The following TNR variants were observed in gnomAD, a reference collection of about 807,000 sequenced individuals.
The protein encoded by TNR is tenascin R.
A neutral mutation model predicts 150.4 loss-of-function variants in TNR; 45 were observed. The observed-to-expected ratio is 0.30, with a 90% CI of 0.24 to 0.38. The LOEUF (loss-of-function observed/expected upper bound fraction) is 0.38. TNR is among the 10% of genes least tolerant of loss of function. The probability of loss-of-function intolerance (pLI) is 1.00; values close to 1 mark genes in which losing one functional copy is unlikely to be tolerated. For synonymous variants in TNR, 687 were observed against 678.4 expected, an observed-to-expected ratio of 1.01 and a Z score of -0.20; for missense variants, 1,544 against 1,759.1, an observed-to-expected ratio of 0.88 and a Z score of 2.19.
chr1:175,444,926 C>T (rs754114550), intron 2 of TNR, among the ~76,000 whole-genome samples: 4 of 152,174 alleles, frequency 2.6e-5, no homozygotes, highest in Admixed American at 6.5e-5. Flanking sequence ...GCGAATCTGA[C>T]GCTTTGGAAG....
At position 175,356,363 on chromosome 1, in the gene TNR, T is replaced by C; in HGVS notation, c.3074A>G (p.Asn1025Ser). The change falls in exon 16 of 23, where the codon AAT becomes AGT. Residue 1025 changes from asparagine to serine, a missense_variant. By Grantham distance (46) the Asn-to-Ser change is conservative. Around this residue, in one of 2 missense-constraint regions of TNR, gnomAD observed 1,254 missense variants for 1,329.4 expected, o/e 0.94. Transcript: ENST00000367674. ...THYTATMYAT[N>S]GPLTSGTIST... ...GATGGTGCCACTGGTGAGAGGTCCA[T>C]TGGTGGCATACATGGTGGCAGTATA... The C allele has an allele frequency of 6.2e-7, 1 of 1,614,008 alleles. No individual in the cohort carries two copies. The highest frequency in any genetic ancestry group is 1.3e-5 in the African/African-American group (1 of 75,016).
chr1:175,537,358 A>T (rs1212245133), intron 1 of TNR, among the ~76,000 whole-genome samples: 1 of 152,186 alleles, frequency 6.6e-6, no homozygotes. Flanking sequence ...ACCTAGGGGA[A>T]TATTTCTTCT....
At chr1:175,610,968 G>A (rs903405500) in intron 1 of TNR, among the ~76,000 whole-genome samples, 4 of 152,172 alleles carry the variant, frequency 2.6e-5, no homozygotes, top group African/African-American at 9.7e-5. Flanking sequence ...CTTGATCACT[G>A]AGCCAGTTTG....
chr1:175,520,061 C>T lies in TNR; in HGVS notation c.-64+8208G>A, dbSNP rs546133758. Reference sequence around the variant, plus strand: ...TGGAGATAGTAATATTTCCTACTATCGTTGGTTGTTAAGAGAAGTAAATGA... The same window carrying T: ...TGGAGATAGTAATATTTCCTACTATTGTTGGTTGTTAAGAGAAGTAAATGA... On this transcript the variant is annotated intron_variant, in intron 2 of 22. Transcript: ENST00000367674. Among the ~76,000 whole-genome samples, 4 of 152,256 alleles carry T rather than the reference C, an allele frequency of 2.6e-5. No individual in the cohort carries two copies. In the South Asian group the frequency reaches 6.2e-4, roughly 24 times the overall value.
chr1:175,623,512 CCTT>C (rs944594358), intron 1 of TNR, among the ~76,000 whole-genome samples: 45 of 152,326 alleles, frequency 3.0e-4, no homozygotes, highest in Middle Eastern at 3.4e-3. Flanking sequence ...CCTGGTCCCT[CCTT>C]CTTTTTCTGG....
chr1:175,694,760 C>T (rs1490048257), intron 1 of TNR, among the ~76,000 whole-genome samples: 1 of 152,124 alleles, frequency 6.6e-6, no homozygotes, highest in African/African-American at 2.4e-5. Flanking sequence ...GATATTAGGG[C>T]ACCATCAGGC....
intron 1 of TNR, among the ~76,000 whole-genome samples, chr1:175,720,099 C>A (rs1357447794): frequency 2.0e-5 from 3 of 152,204 alleles, no homozygotes; most frequent in African/African-American, 7.2e-5. Context: ...CCCCAAAACT[C>A]ACATGTTAGA....
At chr1:175,607,994 G>A (rs1293541491) in intron 1 of TNR, among the ~76,000 whole-genome samples, 2 of 152,234 alleles carry the variant, frequency 1.3e-5, no homozygotes, top group South Asian at 2.1e-4. Flanking sequence ...GACAGCAGAG[G>A]CTTTCTGACC....
At chr1:175,477,352 G>A (rs947115153) in intron 2 of TNR, among the ~76,000 whole-genome samples, 1 of 152,144 alleles carries the variant, frequency 6.6e-6, no homozygotes, top group Non-Finnish European at 1.5e-5. Flanking sequence ...AATTTTCTGG[G>A]TTGTAACATT....
intron 1 of TNR, among the ~76,000 whole-genome samples, chr1:175,721,286 G>C (rs1276453115): frequency 6.6e-6 from 1 of 152,100 alleles, no homozygotes; most frequent in African/African-American, 2.4e-5. Context: ...AATCTTACTT[G>C]ATTATTTGTT....
intron 2 of TNR, among the ~76,000 whole-genome samples, chr1:175,521,090 G>A (rs1659618923): frequency 6.6e-6 from 1 of 152,164 alleles, no homozygotes; most frequent in Admixed American, 6.5e-5. Flanking sequence ...AATTGGGGTG[G>A]GGATGAGGAT....
In TNR at chr1:175,612,352, C is replaced by T. The variant is rs1460151539; in HGVS notation, c.-164-83983G>A. ...GTGGTTTTGCTGGGGATATCTGAGT[C>T]TCTTTCTTGCAAAGGCAGCCCCTTG... On this transcript the variant is annotated intron_variant, in intron 1 of 22. Coordinates refer to ENST00000367674, the MANE Select transcript of TNR (RefSeq NM_003285.3). Among the ~76,000 whole-genome samples the T allele has an allele frequency of 3.9e-5, 6 of 152,184 alleles. No individual in the cohort carries two copies. In the South Asian group the frequency reaches 6.2e-4, roughly 16 times the overall value.
chr1:175,723,793 C>T (rs953107053), intron 1 of TNR, among the ~76,000 whole-genome samples: 2 of 152,084 alleles, frequency 1.3e-5, no homozygotes, highest in African/African-American at 4.8e-5. Context: ...ATCACTTGAA[C>T]CCAGGAGGCT....
At chr1:175,687,833 A>G (rs557109051) in intron 1 of TNR, among the ~76,000 whole-genome samples, 2 of 151,124 alleles carry the variant, frequency 1.3e-5, no homozygotes, top group Non-Finnish European at 2.9e-5. Flanking sequence ...AGCCCTCCCT[A>G]TCTTCTGCTG....
chr1:175,418,741 T>C (rs1275085620), intron 2 of TNR, among the ~76,000 whole-genome samples: 3 of 149,370 alleles, frequency 2.0e-5, no homozygotes, highest in Non-Finnish European at 3.0e-5. Flanking sequence ...AAAAAGGCAG[T>C]TGAAGCAGAG....
At chr1:175,673,657 G>A (rs1665771605) in intron 1 of TNR, among the ~76,000 whole-genome samples, 1 of 152,186 alleles carries the variant, frequency 6.6e-6, no homozygotes, top group Non-Finnish European at 1.5e-5. Context: ...TGCCCCTCAG[G>A]GCCTCACAAT....
At position 175,743,566 on chromosome 1, in the gene TNR, CTT is replaced by C. The variant is rs1667989492; in HGVS notation, c.-507_-506del. ...CTCCTCTGGGTGTTGAGCCAACAGC[CTT>C]AGCACAGTCGGTTCCTGCCTCTGAC... On this transcript the variant is annotated 5_prime_UTR_variant, in exon 1 of 23. Transcript: ENST00000367674. 1 of 152,062 alleles carries C rather than the reference CTT, an allele frequency of 6.6e-6. No individual in the cohort carries two copies. Among genetic ancestry groups the C allele is most frequent in the Admixed American group, 6.6e-5 (1 of 15,258 alleles). The allele number at this position is 152,062 out of a possible 1,614,324, so 9.4% of individuals were successfully genotyped here. A position where few individuals can be genotyped will look rare whatever the true frequency, so the allele number is the denominator to read the frequency against.
intron 2 of TNR, among the ~76,000 whole-genome samples, chr1:175,510,245 A>G (rs947319239): frequency 6.6e-6 from 1 of 152,164 alleles, no homozygotes; most frequent in Non-Finnish European, 1.5e-5. Context: ...AAATGAAATG[A>G]AATGAAATGT....
At chr1:175,427,255 A>G (rs751864462) in intron 2 of TNR, among the ~76,000 whole-genome samples, 1 of 151,962 alleles carries the variant, frequency 6.6e-6, no homozygotes, top group African/African-American at 2.4e-5. Context: ...TATACAAGTC[A>G]GTGAGTGTGA....
Sources: allele counts gnomAD v4.1 joint callset (sites outside exome capture counted in the v4.1 genomes callset), GRCh38; gene constraint gnomAD v4.1.1; regional missense constraint gnomAD v4.1.1; transcripts MANE v1.5; gene names NCBI Gene and HGNC (gene_info 2026-07-23, HGNC 2026-07-21).